QRICH1: variants seen among roughly 807,000 people sequenced by gnomAD.
QRICH1 encodes transcriptional regulator QRICH1.
A neutral mutation model predicts 87.1 loss-of-function variants in QRICH1; 16 were observed. The ratio of observed to expected loss-of-function variants is 0.18; its 90% CI spans 0.12 to 0.28. The LOEUF is 0.28. Among genes scored for constraint, QRICH1 ranks in the 10% least tolerant of loss-of-function variants. QRICH1 has a pLI of 1.00. For missense variants in QRICH1, 647 were observed against 951.7 expected (o/e 0.68, Z 4.21); for synonymous variants, 367 against 368.4 (o/e 1.00, Z 0.05).
chr3:49,063,063 C>T (rs2093444865), intron 2 of QRICH1, among the ~76,000 whole-genome samples: 1 of 151,880 alleles, frequency 6.6e-6, no homozygotes, highest in African/African-American at 2.4e-5. Flanking sequence ...CTGCACTTTT[C>T]TGCCTGTGAA....
At chr3:49,088,106 C>T (rs1331978820) in intron 1 of QRICH1, among the ~76,000 whole-genome samples, 1 of 151,752 alleles carries the variant, frequency 6.6e-6, no homozygotes, top group Non-Finnish European at 1.5e-5. Flanking sequence ...CGCCCGCCAC[C>T]ACATCCAGCT....
intron 2 of QRICH1, among the ~76,000 whole-genome samples, chr3:49,059,427 T>A (rs1194790295): frequency 6.6e-6 from 1 of 150,942 alleles, no homozygotes; most frequent in East Asian, 2.0e-4. Flanking sequence ...CAGCTAATTT[T>A]TTTTTTTTTT....
chr3:49,073,723 T>C (rs2041892984), intron 2 of QRICH1, among the ~76,000 whole-genome samples: 1 of 151,716 alleles, frequency 6.6e-6, no homozygotes, highest in Non-Finnish European at 1.5e-5. Context: ...CTCAGCTCAC[T>C]GTAACCTCCA....
rs1665282646 is a variant in QRICH1, at chr3:49,057,054, A to T, written c.1146T>A (p.Ser382=). The T allele has an allele frequency of 7.4e-6, 12 of 1,614,024 alleles. No individual in the cohort carries two copies. The highest frequency in any genetic ancestry group is 1.3e-5 in the African/African-American group (1 of 74,902). Reference sequence around the variant, plus strand: ...CATTCATGAACTGTGCTGGAAAGAGAGAGTTTGCAAGGGTCTGCACTACCT... The same window carrying T: ...CATTCATGAACTGTGCTGGAAAGAGTGAGTTTGCAAGGGTCTGCACTACCT... ...HEEVVQTLAN[S]LFPAQFMNGN... is the part of the protein sequence containing the mutation. Residue 382 remains serine (S), a synonymous_variant, in exon 3 of 10, where the codon TCT becomes TCA. Coordinates refer to ENST00000395443, the MANE Select transcript of QRICH1 (RefSeq NM_198880.3). The surrounding 1 kb of genome is among the most constrained non-coding windows in gnomAD (Gnocchi z 5.4).
intron 6 of QRICH1, among the ~76,000 whole-genome samples, chr3:49,035,710 C>A (rs1047431616): frequency 1.3e-5 from 2 of 151,668 alleles, no homozygotes; most frequent in Non-Finnish European, 2.9e-5. Flanking sequence ...CCAGCCCGAG[C>A]CCAACAGGGT....
At chr3:49,040,042 T>C (rs563231523) in intron 6 of QRICH1, among the ~76,000 whole-genome samples, 38 of 152,198 alleles carry the variant, frequency 2.5e-4, no homozygotes, top group Non-Finnish European at 4.1e-4. Flanking sequence ...GCCTGGGCGA[T>C]AGAGTGAGAC....
At chr3:49,042,503 A>G (rs1234470313) in intron 6 of QRICH1, among the ~76,000 whole-genome samples, 1 of 152,232 alleles carries the variant, frequency 6.6e-6, no homozygotes, top group Non-Finnish European at 1.5e-5. Flanking sequence ...GGAAAAGGCA[A>G]AACTGTGAAG....
At chr3:49,058,989 T>C (rs967383048) in intron 2 of QRICH1, among the ~76,000 whole-genome samples, 6 of 135,866 alleles carry the variant, frequency 4.4e-5, no homozygotes, top group Non-Finnish European at 9.3e-5. Context: ...TGAGACGGAG[T>C]CTCGCTTTGT....
chr3:49,078,757 G>A (rs2042002135), intron 1 of QRICH1, among the ~76,000 whole-genome samples: 1 of 140,462 alleles, frequency 7.1e-6, no homozygotes, highest in Non-Finnish European at 1.5e-5. Context: ...GAGTGCAGTG[G>A]CACGATCTCG....
intron 1 of QRICH1, among the ~76,000 whole-genome samples, chr3:49,089,530 G>T (rs1297110081): frequency 2.0e-5 from 3 of 151,968 alleles, no homozygotes; most frequent in African/African-American, 4.8e-5. Flanking sequence ...TTAAACAAGG[G>T]TACTTAATAC....
intron 3 of QRICH1, among the ~76,000 whole-genome samples, chr3:49,048,775 G>T (rs1270500769): frequency 2.9e-5 from 1 of 34,456 alleles, no homozygotes; most frequent in Non-Finnish European, 4.3e-5. Flanking sequence ...GTAACAGAGT[G>T]AGACTCTGTT....
chr3:49,078,617 G>A (rs1171434510), intron 1 of QRICH1, among the ~76,000 whole-genome samples: 2 of 145,758 alleles, frequency 1.4e-5, no homozygotes, highest in Non-Finnish European at 3.0e-5. Context: ...GGATGGTCTC[G>A]ATCTCCTGAC....
Position 49,057,350 on chromosome 3 carries a change from G to A in QRICH1, c.850C>T (p.Pro284Ser). The change falls in exon 3 of 10, where the codon CCA becomes TCA. Residue 284 changes from proline (P) to serine (S), a missense_variant. Physicochemically the swap from Pro to Ser is moderately conservative, Grantham distance 74. Coordinates refer to ENST00000395443, the MANE Select transcript of QRICH1 (RefSeq NM_198880.3). The surrounding 1 kb of genome is among the most constrained non-coding windows in gnomAD (Gnocchi z 5.4). The stretch of plus-strand genomic sequence containing the variant: ...GCACTGTCTACTGTCAGTAAGTCTG[G>A]CCTCAAAGACACATAACTCTGCTGC... ...GQQQSYVSLR[P>S]DLLTVDSAHL... 3.7e-6 allele frequency: 6 copies of A among 1,614,208 alleles called. No homozygotes were observed. The highest frequency in any genetic ancestry group is 4.2e-6 in the Non-Finnish European group (5 of 1,180,048).
rs577422676 is a variant in QRICH1, at chr3:49,057,330, G to A, written c.870C>T (p.Asp290=). Residue 290 remains aspartate, a synonymous_variant, in exon 3 of 10, where the codon GAC becomes GAT. Coordinates refer to ENST00000395443, the MANE Select transcript of QRICH1 (RefSeq NM_198880.3). The surrounding 1 kb of genome is among the most constrained non-coding windows in gnomAD (Gnocchi z 5.4). ...VSLRPDLLTV[D]SAHLYSATGT... ...CAGTGGCACTGTACAGGTGGGCACT[G>A]TCTACTGTCAGTAAGTCTGGCCTCA... is the stretch of plus-strand genomic sequence containing the variant. The A allele has an allele frequency of 2.5e-6, 4 of 1,614,220 alleles. No individual in the cohort carries two copies. The highest frequency in any genetic ancestry group is 3.3e-5 in the Admixed American group (2 of 60,020).
intron 2 of QRICH1, among the ~76,000 whole-genome samples, chr3:49,058,190 C>T (rs1261272669): frequency 6.6e-6 from 1 of 152,162 alleles, no homozygotes; most frequent in African/African-American, 2.4e-5. Flanking sequence ...CGCTCTGTCG[C>T]CCAGGCTGGA....
At chr3:49,069,484 C>T (rs962365197) in intron 2 of QRICH1, among the ~76,000 whole-genome samples, 6 of 149,998 alleles carry the variant, frequency 4.0e-5, no homozygotes, top group Middle Eastern at 3.2e-3. Context: ...TCTGTGTGGG[C>T]GAGGGGACCA....
chr3:49,064,174 G>A (rs559649623), intron 2 of QRICH1, among the ~76,000 whole-genome samples: 2 of 150,318 alleles, frequency 1.3e-5, no homozygotes, highest in East Asian at 2.0e-4. Flanking sequence ...CAGGTGATCC[G>A]CCTGCCTCGG....
Position 49,041,936 on chromosome 3 carries a change from C to T in QRICH1, c.1786+2454G>A, listed in dbSNP as rs1478903887. Among the ~76,000 whole-genome samples, 8 of 151,818 alleles carry T rather than the reference C, an allele frequency of 5.3e-5. No individual in the cohort carries two copies. In the East Asian group the frequency reaches 5.8e-4, roughly 11 times the overall value. ...TACAGGTGTGAACCACAGCTCCCAGCCAATTTTTTGTATTTTTAGTAGAGA... is the reference window on the plus strand; with the variant it reads ...TACAGGTGTGAACCACAGCTCCCAGTCAATTTTTTGTATTTTTAGTAGAGA... On this transcript the variant is annotated intron_variant, in intron 6 of 9. Coordinates refer to ENST00000395443, the MANE Select transcript of QRICH1 (RefSeq NM_198880.3).
intron 1 of QRICH1, among the ~76,000 whole-genome samples, chr3:49,088,210 C>T (rs2042206826): frequency 1.3e-5 from 2 of 152,122 alleles, no homozygotes; most frequent in African/African-American, 4.8e-5. Flanking sequence ...GCCTCGGCCT[C>T]CCAAAGTGGT....
Sources: allele counts gnomAD v4.1 joint callset (sites outside exome capture counted in the v4.1 genomes callset), GRCh38; gene constraint gnomAD v4.1.1; non-coding constraint Gnocchi (gnomAD v3.1); transcripts MANE v1.5; gene names NCBI Gene and HGNC (gene_info 2026-07-23, HGNC 2026-07-21).